CCDC6: variants seen among roughly 807,000 people sequenced by gnomAD.
CCDC6 encodes the protein coiled-coil domain-containing protein 6.
CCDC6 carries 20 observed loss-of-function variants against 56.6 expected under a neutral mutation model. The ratio of observed to expected loss-of-function variants is 0.35; its 90% CI spans 0.25 to 0.51. CCDC6 has a LOEUF of 0.51. Ranked by LOEUF, CCDC6 falls within the 20% of genes least tolerant of loss-of-function variation. The pLI is 0.95. For missense variants in CCDC6, 367 were observed against 601.1 expected (o/e 0.61, Z 4.07); for synonymous variants, 241 against 234.4 (o/e 1.03, Z -0.26).
chr10:59,879,135 G>A (rs1487282022), intron 1 of CCDC6, among the ~76,000 whole-genome samples: 2 of 152,106 alleles, frequency 1.3e-5, no homozygotes, highest in African/African-American at 4.8e-5. Flanking sequence ...AATTGCCAAA[G>A]GTCCACATGA....
intron 1 of CCDC6, among the ~76,000 whole-genome samples, chr10:59,882,727 G>A (rs2071353684): frequency 2.0e-5 from 3 of 152,158 alleles, no homozygotes; most frequent in East Asian, 1.9e-4. Context: ...TTGGGAGGCC[G>A]AGGCAGGCGG....
At chr10:59,814,437 A>G (rs981975775) in intron 4 of CCDC6, among the ~76,000 whole-genome samples, 2 of 152,224 alleles carry the variant, frequency 1.3e-5, no homozygotes, top group Non-Finnish European at 2.9e-5. Flanking sequence ...ATGAAAAGAA[A>G]TTCTACTGGG....
intron 1 of CCDC6, among the ~76,000 whole-genome samples, chr10:59,854,377 A>T (rs1344945752): frequency 1.3e-5 from 2 of 152,206 alleles, no homozygotes; most frequent in Admixed American, 1.3e-4. Flanking sequence ...AAAGAGAGCC[A>T]CACATAGTAC....
intron 7 of CCDC6, among the ~76,000 whole-genome samples, chr10:59,802,789 T>C (rs756833867): frequency 6.6e-6 from 1 of 152,246 alleles, no homozygotes; most frequent in Non-Finnish European, 1.5e-5. Context: ...AGAAGGAATA[T>C]TCCTAACCAA....
chr10:59,819,515 A>G (rs2070735233), intron 3 of CCDC6, among the ~76,000 whole-genome samples: 1 of 152,178 alleles, frequency 6.6e-6, no homozygotes, highest in Admixed American at 6.5e-5. Context: ...AATCCTATAT[A>G]CTTAGAGCCA....
chr10:59,882,934 T>C (rs931130851), intron 1 of CCDC6, among the ~76,000 whole-genome samples: 5 of 151,202 alleles, frequency 3.3e-5, no homozygotes, highest in African/African-American at 1.2e-4. Flanking sequence ...CACTCCAGCC[T>C]GGGCGACAGA....
intron 4 of CCDC6, 52 bp from the exon 5 acceptor site, chr10:59,812,847 A>G (rs1380821860): frequency 7.4e-7 from 1 of 1,354,026 alleles, no homozygotes; most frequent in Admixed American, 1.9e-5. Context: ...CCTTGAAAAG[A>G]CAAAACAACA....
intron 1 of CCDC6, among the ~76,000 whole-genome samples, chr10:59,862,348 C>T (rs1427626635): frequency 6.6e-6 from 1 of 151,438 alleles, no homozygotes; most frequent in East Asian, 1.9e-4. Flanking sequence ...ATTAACCAGG[C>T]ACGGTGGTGA....
chr10:59,834,072 T>C (rs1188127342), intron 2 of CCDC6, among the ~76,000 whole-genome samples: 1 of 152,128 alleles, frequency 6.6e-6, no homozygotes, highest in Admixed American at 6.5e-5. Context: ...AAAAGCCACG[T>C]ATGCTTGCCC....
Position 59,789,062 on chromosome 10 carries a change from C to T in CCDC6, c.*3855G>A, listed in dbSNP as rs1219255987. ...GGACAGTCCACTTTCGCTTTCCAGG[C>T]TAAGTTCCAAATCAAGTCCAAAGAA... On this transcript the variant is annotated 3_prime_UTR_variant, in exon 9 of 9. Transcript: ENST00000263102. The T allele has an allele frequency of 4.8e-6, 1 of 207,642 alleles. No homozygotes were observed. Among genetic ancestry groups the T allele is most frequent in the African/African-American group, 2.6e-5 (1 of 38,274 alleles). The allele number at this position is 207,642 out of a possible 1,614,324, so 12.9% of individuals were successfully genotyped here. A position where few individuals can be genotyped will look rare whatever the true frequency, so the allele number is the denominator to read the frequency against.
intron 3 of CCDC6, among the ~76,000 whole-genome samples, chr10:59,820,653 CA>C (rs1221625858): frequency 6.6e-6 from 1 of 152,048 alleles, no homozygotes; most frequent in East Asian, 1.9e-4. Context: ...GAGGCTAAGG[CA>C]GGCGGATCTC....
chr10:59,872,602 T>C lies in CCDC6; in HGVS notation c.304-19900A>G, dbSNP rs190516142. Among the ~76,000 whole-genome samples the C allele has an allele frequency of 3.9e-5, 6 of 152,304 alleles. No individual in the cohort carries two copies. In the East Asian group the frequency reaches 9.7e-4, roughly 25 times the overall value. On this transcript the variant is annotated intron_variant, in intron 1 of 8. Coordinates refer to ENST00000263102, the MANE Select transcript of CCDC6 (RefSeq NM_005436.5). ...TTGTGAGTTGGAGGTTATTGATGTA[T>C]GAACATTTTCTAGTTTTCAGTGAGT...
Position 59,906,430 on chromosome 10 carries a change from C to A in CCDC6, c.-6G>T. On this transcript the variant is annotated 5_prime_UTR_variant, in exon 1 of 9. Coordinates refer to ENST00000263102, the MANE Select transcript of CCDC6 (RefSeq NM_005436.5). ...TCGCTGGCGCTGTCCGCCATGGCCG[C>A]GGCGGGCTGGGGAAAGGAGGAGGAG... is the stretch of plus-strand genomic sequence containing the variant. 6.6e-7 allele frequency: 1 copy of A among 1,511,998 alleles called. No individual in the cohort carries two copies. The highest frequency in any genetic ancestry group is 8.7e-7 in the Non-Finnish European group (1 of 1,145,856). The allele number at this position is 1,511,998 out of a possible 1,614,324, so 93.7% of individuals were successfully genotyped here.
intron 1 of CCDC6, among the ~76,000 whole-genome samples, chr10:59,899,639 A>G (rs1460970509): frequency 1.3e-5 from 2 of 152,204 alleles, no homozygotes; most frequent in African/African-American, 2.4e-5. Context: ...CCAGTGGTGC[A>G]TTTCAACATT....
At chr10:59,844,535 T>C (rs1393988277) in intron 2 of CCDC6, among the ~76,000 whole-genome samples, 1 of 150,764 alleles carries the variant, frequency 6.6e-6, no homozygotes, top group Non-Finnish European at 1.5e-5. Context: ...AGATCACTTG[T>C]GGTCAGGAAT....
At chr10:59,818,714 TTTGTGCCCTGAGCTGCCAGGA>T (rs1176357481) in intron 3 of CCDC6, among the ~76,000 whole-genome samples, 19 of 152,184 alleles carry the variant, frequency 1.2e-4, no homozygotes, top group Admixed American at 1.2e-3. Context: ...TGGGTCCTGC[TTTGTGCCCTGAGCTGCCAGGA>T]CAGGCTCCAG....
chr10:59,866,973 G>T (rs1383178649), intron 1 of CCDC6, among the ~76,000 whole-genome samples: 1 of 152,138 alleles, frequency 6.6e-6, no homozygotes, highest in Non-Finnish European at 1.5e-5. Context: ...TTTCAGACTT[G>T]CAAAAAAGCC....
chr10:59,840,161 C>G (rs2070924127), intron 2 of CCDC6, among the ~76,000 whole-genome samples: 1 of 152,142 alleles, frequency 6.6e-6, no homozygotes, highest in South Asian at 2.1e-4. Context: ...GCACAAAGAA[C>G]ATTCTTCTAC....
At chr10:59,801,457 T>C (rs978628467) in intron 7 of CCDC6, among the ~76,000 whole-genome samples, 1 of 152,194 alleles carries the variant, frequency 6.6e-6, no homozygotes, top group Admixed American at 6.5e-5. Flanking sequence ...AACCACTCCC[T>C]TCTTGGTGAA....
Sources: gnomAD v4.1 joint callset for allele counts (sites outside exome capture counted in the v4.1 genomes callset) on GRCh38, gnomAD v4.1.1 for gene constraint, MANE v1.5 for transcripts, NCBI Gene and HGNC (gene_info 2026-07-23, HGNC 2026-07-21) for gene names.